POFUT2: variants seen among roughly 807,000 people sequenced by gnomAD.
POFUT2 encodes the protein GDP-fucose protein O-fucosyltransferase 2.
A neutral mutation model predicts 55.0 loss-of-function variants in POFUT2; 30 were observed. The ratio of observed to expected loss-of-function variants is 0.55; its 90% CI spans 0.41 to 0.74. The LOEUF (loss-of-function observed/expected upper bound fraction) is 0.74, where lower values mean the gene tolerates loss of function less well. Among genes scored for constraint, POFUT2 ranks in the 30% least tolerant of loss-of-function variants. POFUT2 has a pLI of 0.00. For synonymous variants in POFUT2, 267 were observed against 231.1 expected (o/e 1.16, Z -1.41); for missense variants, 524 against 562.6 (o/e 0.93, Z 0.69).
rs1377578155 is a variant in POFUT2, at chr21:45,281,105, T to C, written c.638+1244A>G. Among the ~76,000 whole-genome samples the C allele has an allele frequency of 6.6e-6, 1 of 152,190 alleles. No homozygotes were observed. Among genetic ancestry groups the C allele is most frequent in the Non-Finnish European group, 1.5e-5 (1 of 68,026 alleles). ...CCCGGAAGAGACTTTCCCTGGGTGCTGGGGGCAGATGACCTCACCGCCCAT... is the reference window on the plus strand; with the variant it reads ...CCCGGAAGAGACTTTCCCTGGGTGCCGGGGGCAGATGACCTCACCGCCCAT... On this transcript the variant is annotated intron_variant, in intron 4 of 8. Transcript: ENST00000349485. The surrounding 1 kb of genome is among the most constrained non-coding windows in gnomAD (Gnocchi z 5.0).
intron 6 of POFUT2, among the ~76,000 whole-genome samples, chr21:45,275,431 A>G (rs1280869618): frequency 6.6e-6 from 1 of 152,228 alleles, no homozygotes; most frequent in East Asian, 1.9e-4. Flanking sequence ...ATCTACCCAG[A>G]GGAAAAGAAG....
rs570880495 is a variant in POFUT2, at chr21:45,279,127, C to T, written c.639-958G>A. ...TTAATTTTGGCCAGGCGCAGTGGCT[C>T]ACGCCTCTAATCCCAGCACTTTGGG... On this transcript the variant is annotated intron_variant, in intron 4 of 8. Transcript: ENST00000349485. 3.3e-5 allele frequency among the ~76,000 whole-genome samples: 5 copies of T among 152,350 alleles called. No individual in the cohort carries two copies. The East Asian group carries it at 7.7e-4, about 23-fold the overall frequency.
chr21:45,265,778 C>A lies in POFUT2; in HGVS notation c.1137-143G>T, dbSNP rs115382616. On this transcript the variant is annotated intron_variant, in intron 8 of 8. Coordinates refer to ENST00000349485, the MANE Select transcript of POFUT2 (RefSeq NM_133635.6). The surrounding 1 kb of genome is among the most constrained non-coding windows in gnomAD (Gnocchi z 4.6). The stretch of plus-strand genomic sequence containing the variant: ...AACACGGCCGTCCCCCGAGCACCCA[C>A]CAGCCGGCCGCCCCCTTGCTGGCAC... The A allele has an allele frequency of 3.1e-4, 443 of 1,434,406 alleles. No individual in the cohort carries two copies. Among genetic ancestry groups the A allele is most frequent in the Non-Finnish European group, 3.7e-4 (410 of 1,098,358 alleles). The allele number at this position is 1,434,406 out of a possible 1,614,324, so 88.9% of individuals were successfully genotyped here.
intron 1 of POFUT2, among the ~76,000 whole-genome samples, chr21:45,286,420 G>C (rs550671669): frequency 4.9e-4 from 75 of 152,336 alleles, no homozygotes; most frequent in African/African-American, 1.8e-3. Context: ...TAGAAGAACT[G>C]TGATGATGTT....
At chr21:45,268,745 G>A (rs544818981) in intron 7 of POFUT2, among the ~76,000 whole-genome samples, 56 of 143,760 alleles carry the variant, frequency 3.9e-4, no homozygotes, top group Middle Eastern at 3.8e-3. Context: ...CTCTCCGCCC[G>A]GCAGCCACCC....
chr21:45,282,223 G>C lies in POFUT2; in HGVS notation c.638+126C>G. ...TAACCACCACCCCCCAGGGCCCCCAGGGTCCGCTGTCTGTGAGGTGGGTGG... is the reference window on the plus strand; with the variant it reads ...TAACCACCACCCCCCAGGGCCCCCACGGTCCGCTGTCTGTGAGGTGGGTGG... On this transcript the variant is annotated intron_variant, in intron 4 of 8. Coordinates refer to ENST00000349485, the MANE Select transcript of POFUT2 (RefSeq NM_133635.6). This position sits in a 1 kb window ranked among gnomAD's most constrained non-coding sequence, Gnocchi z 4.6. The C allele has an allele frequency of 1.5e-6, 1 of 670,952 alleles. No homozygotes were observed. The highest frequency in any genetic ancestry group is 2.6e-6 in the Non-Finnish European group (1 of 384,730). The allele number at this position is 670,952 out of a possible 1,614,324, so 41.6% of individuals were successfully genotyped here.
chr21:45,279,602 C>T (rs1232747987), intron 4 of POFUT2, among the ~76,000 whole-genome samples: 7 of 152,170 alleles, frequency 4.6e-5, no homozygotes, highest in Admixed American at 6.5e-5. Flanking sequence ...TCTCGGCCCT[C>T]GTGGCTGCCT....
chr21:45,283,701 G>A (rs1477861298), intron 2 of POFUT2, among the ~76,000 whole-genome samples, 174 bp from the exon 3 acceptor site: 1 of 152,198 alleles, frequency 6.6e-6, no homozygotes, highest in African/African-American at 2.4e-5. Context: ...TGAGGGCACA[G>A]GGCCATCAGC....
Position 45,265,702 on chromosome 21 carries a change from A to C in POFUT2, c.1137-67T>G. On this transcript the variant is annotated intron_variant, in intron 8 of 8. Transcript: ENST00000349485. The surrounding 1 kb of genome is among the most constrained non-coding windows in gnomAD (Gnocchi z 4.6). ...CGTCACAGAGGTTCCAGAGTCAGGG[A>C]GAACTGAGAGGAGCAGCTGAGTGAA... 1 of 1,416,000 alleles carries C rather than the reference A, an allele frequency of 7.1e-7. No homozygotes were observed. Among genetic ancestry groups the C allele is most frequent in the Non-Finnish European group, 9.2e-7 (1 of 1,081,746 alleles). The allele number at this position is 1,416,000 out of a possible 1,614,324, so 87.7% of individuals were successfully genotyped here. A position where few individuals can be genotyped will look rare whatever the true frequency, so the allele number is the denominator to read the frequency against.
intron 7 of POFUT2, among the ~76,000 whole-genome samples, chr21:45,268,219 G>A (rs973318052): frequency 5.3e-5 from 8 of 152,274 alleles, no homozygotes; most frequent in African/African-American, 1.4e-4. Context: ...CCCTAACCGC[G>A]AGTGATCCGC....
chr21:45,285,525 G>T lies in POFUT2; in HGVS notation c.382+153C>A. 1.2e-6 allele frequency: 1 copy of T among 848,198 alleles called. No homozygotes were observed. The highest frequency in any genetic ancestry group is 1.9e-6 in the Non-Finnish European group (1 of 514,578). The allele number at this position is 848,198 out of a possible 1,614,324, so 52.5% of individuals were successfully genotyped here. ...GGGACTGTGCTCCTGAACGGAGGAG[G>T]TGCTGCCACAGGCCTCAGGCAGCAG... is the stretch of plus-strand genomic sequence containing the variant. On this transcript the variant is annotated intron_variant, in intron 2 of 8. Coordinates refer to ENST00000349485, the MANE Select transcript of POFUT2 (RefSeq NM_133635.6). The surrounding 1 kb of genome is among the most constrained non-coding windows in gnomAD (Gnocchi z 4.9).
chr21:45,269,839 C>G lies in POFUT2; in HGVS notation c.1012G>C (p.Glu338Gln). ...AAACGAAAGCATTGAAGCTCCATACCCTTTCTGACGGCATCTGTGGCCACA... is the reference window on the plus strand; with the variant it reads ...AAACGAAAGCATTGAAGCTCCATACGCTTTCTGACGGCATCTGTGGCCACA... Reference protein sequence around the residue: ...VFVATDAVRKEYEELKKLLPE... With the variant: ...VFVATDAVRKQYEELKKLLPE... Residue 338 changes from glutamate (E) to glutamine (Q), a missense_variant and splice_region_variant, in exon 7 of 9, where the codon GAA becomes CAA. Glu to Gln is a conservative substitution (Grantham distance 29). Transcript: ENST00000349485. 1.3e-6 allele frequency: 2 copies of G among 1,599,756 alleles called. No individual in the cohort carries two copies. Among genetic ancestry groups the G allele is most frequent in the Non-Finnish European group, 1.7e-6 (2 of 1,176,252 alleles).
rs1037326403 is a variant in POFUT2, at chr21:45,270,561, G to T, written c.832-542C>A. Among the ~76,000 whole-genome samples, 4 of 152,222 alleles carry T rather than the reference G, an allele frequency of 2.6e-5. No individual in the cohort carries two copies. Among genetic ancestry groups the T allele is most frequent in the Non-Finnish European group, 5.9e-5 (4 of 68,042 alleles). Reference sequence around the variant, plus strand: ...GTCCACAGGTCCCGAGTCTGTCCACGTGACAACTTCACTGCAGCATAACCA... The same window carrying T: ...GTCCACAGGTCCCGAGTCTGTCCACTTGACAACTTCACTGCAGCATAACCA... On this transcript the variant is annotated intron_variant, in intron 6 of 8. Transcript: ENST00000349485. The surrounding 1 kb of genome is among the most constrained non-coding windows in gnomAD (Gnocchi z 4.6).
At position 45,285,293 on chromosome 21, in the gene POFUT2, A is replaced by T; in HGVS notation, c.382+385T>A. 1 of 300,406 alleles carries T rather than the reference A, an allele frequency of 3.3e-6. No homozygotes were observed. The highest frequency in any genetic ancestry group is 3.3e-5 in the South Asian group (1 of 30,532). The allele number at this position is 300,406 out of a possible 1,614,324, so 18.6% of individuals were successfully genotyped here. Reference sequence around the variant, plus strand: ...CCTTTATCCCTGGCGCTGCACTGAGACACCACGAAGCATACTCCACACGCA... The same window carrying T: ...CCTTTATCCCTGGCGCTGCACTGAGTCACCACGAAGCATACTCCACACGCA... On this transcript the variant is annotated intron_variant, in intron 2 of 8. Transcript: ENST00000349485. This position sits in a 1 kb window ranked among gnomAD's most constrained non-coding sequence, Gnocchi z 4.9.
At chr21:45,272,631 C>T (rs1043648411) in intron 6 of POFUT2, among the ~76,000 whole-genome samples, 3 of 152,046 alleles carry the variant, frequency 2.0e-5, no homozygotes, top group East Asian at 3.9e-4. Flanking sequence ...GAACGTTATC[C>T]AAGATAAACC....
intron 8 of POFUT2, chr21:45,266,834 C>T: frequency 9.9e-7 from 1 of 1,009,560 alleles, no homozygotes; most frequent in Non-Finnish European, 1.2e-6. Context: ...ACAGTGCTAA[C>T]CACGGGGAAG....
chr21:45,286,863 G>A (rs2031470552), intron 1 of POFUT2, among the ~76,000 whole-genome samples: 1 of 152,214 alleles, frequency 6.6e-6, no homozygotes, highest in African/African-American at 2.4e-5. Flanking sequence ...CCCTCCCGGG[G>A]TCCGCTTGGA....
In POFUT2 at chr21:45,281,713, A is replaced by G. The variant is rs576742093; in HGVS notation, c.638+636T>C. On this transcript the variant is annotated intron_variant, in intron 4 of 8. Coordinates refer to ENST00000349485, the MANE Select transcript of POFUT2 (RefSeq NM_133635.6). The surrounding 1 kb of genome is among the most constrained non-coding windows in gnomAD (Gnocchi z 5.0). Reference sequence around the variant, plus strand: ...TGCCTGGTCTATGGGAGACGCTCACAGTGCCTGCTGGGGGATTCAGAAGAC... The same window carrying G: ...TGCCTGGTCTATGGGAGACGCTCACGGTGCCTGCTGGGGGATTCAGAAGAC... Among the ~76,000 whole-genome samples, 151 of 152,082 alleles carry G rather than the reference A, an allele frequency of 9.9e-4. 3 individuals are homozygous for G. Among genetic ancestry groups the G allele is most frequent in the African/African-American group, 3.5e-3 (146 of 41,532 alleles).
intron 1 of POFUT2, among the ~76,000 whole-genome samples, chr21:45,287,094 A>T (rs894207122): frequency 5.1e-4 from 76 of 149,566 alleles, no homozygotes; most frequent in African/African-American, 1.6e-3. Flanking sequence ...CCGCCTGCAG[A>T]CCCGGGCCGC....
Sources: gnomAD v4.1 joint callset for allele counts (sites outside exome capture counted in the v4.1 genomes callset) on GRCh38, gnomAD v4.1.1 for gene constraint, Gnocchi (gnomAD v3.1) non-coding constraint, MANE v1.5 for transcripts, NCBI Gene and HGNC (gene_info 2026-07-23, HGNC 2026-07-21) for gene names.